Variants in MICU1 observed in about 807,000 individuals in gnomAD.
MICU1 encodes the protein calcium uptake protein 1, mitochondrial.
A neutral mutation model predicts 56.8 loss-of-function variants in MICU1; 45 were observed. That is an observed-to-expected ratio of 0.79 (90% CI 0.62 to 1.02). The LOEUF is 1.02. Among genes scored for constraint, MICU1 ranks in the 50% least tolerant of loss-of-function variants. The pLI is 0.00. For synonymous variants in MICU1, 186 were observed against 195.1 expected, an observed-to-expected ratio of 0.95 and a Z score of 0.39; for missense variants, 504 against 587.1, an observed-to-expected ratio of 0.86 and a Z score of 1.46.
intron 8 of MICU1, among the ~76,000 whole-genome samples, chr10:72,447,838 C>T (rs1294648648): frequency 4.6e-5 from 7 of 152,120 alleles, no homozygotes; most frequent in Non-Finnish European, 1.0e-4. Flanking sequence ...AAGGTTATAT[C>T]TGCTTTTACC....
intron 8 of MICU1, among the ~76,000 whole-genome samples, chr10:72,444,857 C>T (rs1441650059): frequency 6.6e-6 from 1 of 152,200 alleles, no homozygotes; most frequent in Non-Finnish European, 1.5e-5. Context: ...GTTAGAAAGT[C>T]ACCTACCCAT....
At chr10:72,388,678 C>T (rs1188448561) in intron 10 of MICU1, among the ~76,000 whole-genome samples, 1 of 152,194 alleles carries the variant, frequency 6.6e-6, no homozygotes, top group Non-Finnish European at 1.5e-5. Context: ...GAATGGTCAA[C>T]TCTTAGCCAA....
At chr10:72,373,179 C>CTTT (rs1330236945) in intron 11 of MICU1, among the ~76,000 whole-genome samples, 1 of 146,890 alleles carries the variant, frequency 6.8e-6, no homozygotes, top group Non-Finnish European at 1.5e-5. Context: ...TTTGTTTGTT[C>CTTT]ATTTTTTTTT....
intron 1 of MICU1, among the ~76,000 whole-genome samples, chr10:72,583,784 TTTCAAG>T (rs558156338): frequency 7.4e-4 from 113 of 152,304 alleles, no homozygotes; most frequent in African/African-American, 2.7e-3. Context: ...GAAATGAATA[TTTCAAG>T]TTCTTCATTG....
At chr10:72,624,799 G>A (rs1006010476) in intron 1 of MICU1, among the ~76,000 whole-genome samples, 22 of 152,148 alleles carry the variant, frequency 1.4e-4, no homozygotes, top group African/African-American at 5.1e-4. Context: ...ACAAACCAAG[G>A]ATTGGGACAA....
intron 1 of MICU1, among the ~76,000 whole-genome samples, chr10:72,586,856 C>G (rs1039315430): frequency 8.5e-5 from 13 of 152,162 alleles, no homozygotes; most frequent in African/African-American, 3.1e-4. Flanking sequence ...TGGCACATGC[C>G]TATATCTCTC....
In MICU1 at chr10:72,407,919, G is replaced by A. The variant is rs776476665; in HGVS notation, c.1180+10C>T. On this transcript the variant is annotated intron_variant, in intron 10 of 11. Transcript: ENST00000361114. ...ATACCTTCAAAAAAACACTTTTTGAGTTTCATTACCTTTATCAAGAGATGC... is the reference window on the plus strand; with the variant it reads ...ATACCTTCAAAAAAACACTTTTTGAATTTCATTACCTTTATCAAGAGATGC... 1 of 1,595,090 alleles carries A rather than the reference G, an allele frequency of 6.3e-7. No homozygotes were observed. Among genetic ancestry groups the A allele is most frequent in the South Asian group, 1.1e-5 (1 of 90,210 alleles).
At chr10:72,421,589 C>A (rs1864176748) in intron 9 of MICU1, among the ~76,000 whole-genome samples, 1 of 152,088 alleles carries the variant, frequency 6.6e-6, no homozygotes, top group Non-Finnish European at 1.5e-5. Flanking sequence ...TCTTTTCTTT[C>A]CTTGTACCAG....
intron 11 of MICU1, among the ~76,000 whole-genome samples, chr10:72,371,481 G>A (rs1043610293): frequency 6.6e-6 from 1 of 151,476 alleles, no homozygotes; most frequent in African/African-American, 2.4e-5. Flanking sequence ...GGTGCCTCAC[G>A]CCTGTAATCC....
intron 5 of MICU1, among the ~76,000 whole-genome samples, chr10:72,509,889 A>G (rs1281323742): frequency 6.6e-6 from 1 of 152,194 alleles, no homozygotes; most frequent in Non-Finnish European, 1.5e-5. Flanking sequence ...TCTCAAAATA[A>G]AAGAAAAAAA....
intron 11 of MICU1, among the ~76,000 whole-genome samples, chr10:72,369,794 C>T (rs1438586317): frequency 3.3e-5 from 5 of 152,090 alleles, no homozygotes; most frequent in African/African-American, 9.6e-5. Flanking sequence ...CTGCAACCTC[C>T]GCCTCCCAGG....
intron 10 of MICU1, among the ~76,000 whole-genome samples, chr10:72,382,568 A>C (rs994298380): frequency 6.6e-6 from 1 of 152,160 alleles, no homozygotes; most frequent in African/African-American, 2.4e-5. Context: ...GGGTGAGTAC[A>C]TTAGGAGAAA....
chr10:72,515,279 C>T (rs568212047), intron 5 of MICU1, among the ~76,000 whole-genome samples: 4 of 152,250 alleles, frequency 2.6e-5, no homozygotes, highest in Non-Finnish European at 5.9e-5. Flanking sequence ...TTAAGTCTTT[C>T]GTTAGATTCT....
intron 1 of MICU1, among the ~76,000 whole-genome samples, chr10:72,615,072 CTGAT>C (rs1252271037): frequency 3.4e-4 from 51 of 149,868 alleles, no homozygotes; most frequent in African/African-American, 1.2e-3. Context: ...GCGGATTTGT[CTGAT>C]TGCTTCCTTG....
At chr10:72,501,086 G>T (rs956865146) in intron 6 of MICU1, among the ~76,000 whole-genome samples, 11 of 152,014 alleles carry the variant, frequency 7.2e-5, no homozygotes, top group Non-Finnish European at 1.3e-4. Flanking sequence ...TGCCTAGAAT[G>T]AATCTGAATT....
chr10:72,456,849 T>TGTGTG, intron 8 of MICU1, among the ~76,000 whole-genome samples: 1 of 134,548 alleles, frequency 7.4e-6, no homozygotes, highest in Non-Finnish European at 1.6e-5. Flanking sequence ...CGGGCTCATT[T>TGTGTG]TGTGTGTGTG....
intron 10 of MICU1, among the ~76,000 whole-genome samples, chr10:72,396,032 G>A (rs1216949038): frequency 1.3e-5 from 2 of 152,186 alleles, no homozygotes; most frequent in Non-Finnish European, 2.9e-5. Flanking sequence ...AGTAGGGGCC[G>A]ACAGACACCT....
chr10:72,475,687 C>A (rs1866097144), intron 7 of MICU1, among the ~76,000 whole-genome samples: 1 of 152,108 alleles, frequency 6.6e-6, no homozygotes, highest in South Asian at 2.1e-4. Flanking sequence ...CCTTGGCCTC[C>A]CAAAGTTCTG....
intron 10 of MICU1, among the ~76,000 whole-genome samples, chr10:72,381,725 A>G (rs1862709884): frequency 6.6e-6 from 1 of 152,164 alleles, no homozygotes; most frequent in African/African-American, 2.4e-5. Flanking sequence ...GCCTGAGCGC[A>G]TCATCCCAGA....
Sources: allele counts gnomAD v4.1 joint callset (sites outside exome capture counted in the v4.1 genomes callset), GRCh38; gene constraint gnomAD v4.1.1; transcripts MANE v1.5; gene names NCBI Gene and HGNC (gene_info 2026-07-23, HGNC 2026-07-21).